SOX5: variants seen among roughly 807,000 people sequenced by gnomAD.
SOX5 encodes the protein transcription factor SOX-5.
Under a neutral mutation model 92.0 loss-of-function variants are expected in SOX5, and 9 were observed. That is an observed-to-expected ratio of 0.10 (90% CI 0.06 to 0.17). The LOEUF (loss-of-function observed/expected upper bound fraction) is 0.17, where lower values mean the gene tolerates loss of function less well. Ranked by LOEUF, SOX5 falls within the 10% of genes least tolerant of loss-of-function variation. The pLI, the probability that SOX5 is intolerant of heterozygous loss-of-function variation, is 1.00. For missense variants in SOX5, 642 were observed against 944.5 expected (o/e 0.68, Z 4.20); for synonymous variants, 344 against 336.3 (o/e 1.02, Z -0.25).
chr12:24,212,441 C>T (rs771465397), intron 4 of SOX5: 1 of 533,768 alleles, frequency 1.9e-6, no homozygotes, highest in Admixed American at 1.9e-5. Context: ...TACAGAAGAC[C>T]TGGATGTGTA....
intron 4 of SOX5, among the ~76,000 whole-genome samples, chr12:24,083,347 A>G (rs987614635): frequency 6.6e-6 from 1 of 152,054 alleles, no homozygotes; most frequent in Non-Finnish European, 1.5e-5. Flanking sequence ...AAGATTTAAA[A>G]CATGTACTGA....
intron 1 of SOX5, among the ~76,000 whole-genome samples, chr12:24,478,910 A>G (rs1271389002): frequency 6.6e-6 from 1 of 152,212 alleles, no homozygotes; most frequent in Non-Finnish European, 1.5e-5. Context: ...CCTCGCTGGG[A>G]AATCTTCAAC....
chr12:24,504,742 T>C (rs910195633), intron 1 of SOX5, among the ~76,000 whole-genome samples: 1 of 152,190 alleles, frequency 6.6e-6, no homozygotes, highest in South Asian at 2.1e-4. Flanking sequence ...TTCCTTTTTC[T>C]TTTTTCAACA....
chr12:23,728,812 C>T (rs1057449463), intron 6 of SOX5, among the ~76,000 whole-genome samples: 2 of 152,032 alleles, frequency 1.3e-5, no homozygotes, highest in African/African-American at 2.4e-5. Context: ...TGAACTGAGC[C>T]AAAACTCGGG....
intron 1 of SOX5, among the ~76,000 whole-genome samples, chr12:24,531,212 T>G (rs969603936): frequency 1.3e-5 from 2 of 152,016 alleles, no homozygotes; most frequent in African/African-American, 4.8e-5. Flanking sequence ...TGACCAACAT[T>G]AAGCAGGAAA....
intron 4 of SOX5, among the ~76,000 whole-genome samples, chr12:23,993,391 C>T (rs1950737330): frequency 6.6e-6 from 1 of 152,014 alleles, no homozygotes; most frequent in South Asian, 2.1e-4. Context: ...TCATCTAGTT[C>T]GAGAATACAC....
chr12:23,590,827 T>C (rs1951433537), intron 9 of SOX5, among the ~76,000 whole-genome samples: 1 of 152,044 alleles, frequency 6.6e-6, no homozygotes, highest in Non-Finnish European at 1.5e-5. Flanking sequence ...AAAATTTATA[T>C]AAACAACGTA....
chr12:24,170,367 T>C (rs546751776), intron 4 of SOX5, among the ~76,000 whole-genome samples: 2 of 152,266 alleles, frequency 1.3e-5, no homozygotes, highest in South Asian at 4.1e-4. Flanking sequence ...CCAGGCGCCA[T>C]GCTTGTGAAC....
At chr12:23,948,082 CTATGA>C (rs1378898195) in intron 1 of SOX5, among the ~76,000 whole-genome samples, 1 of 151,958 alleles carries the variant, frequency 6.6e-6, no homozygotes, top group South Asian at 2.1e-4. Context: ...CAACATCTAC[CTATGA>C]TATAAGGCTA....
At chr12:24,360,036 G>A (rs1955360959) in intron 2 of SOX5, among the ~76,000 whole-genome samples, 1 of 152,212 alleles carries the variant, frequency 6.6e-6, no homozygotes, top group South Asian at 2.1e-4. Context: ...AGGGAAGGGA[G>A]AAGCTGAATA....
intron 3 of SOX5, chr12:24,227,568 A>G (rs1184003951): frequency 6.6e-6 from 1 of 152,208 alleles, no homozygotes; most frequent in East Asian, 1.9e-4. Context: ...CACTTGTATC[A>G]TTTATAATAC....
At chr12:24,157,927 C>T (rs560782728) in intron 4 of SOX5, among the ~76,000 whole-genome samples, 1 of 152,092 alleles carries the variant, frequency 6.6e-6, no homozygotes, top group Middle Eastern at 3.4e-3. Context: ...CATGAATGTT[C>T]CAAAATAAGG....
chr12:23,641,740 TAAGTA>T (rs1359082411), intron 7 of SOX5, among the ~76,000 whole-genome samples: 11 of 152,194 alleles, frequency 7.2e-5, no homozygotes, highest in African/African-American at 2.7e-4. Context: ...CTAAGAAATA[TAAGTA>T]ATGTACATTA....
intron 7 of SOX5, among the ~76,000 whole-genome samples, chr12:23,658,946 A>G (rs2082675440): frequency 6.6e-6 from 1 of 152,152 alleles, no homozygotes; most frequent in Non-Finnish European, 1.5e-5. Flanking sequence ...TAAAGACATG[A>G]TTATATCCTC....
intron 4 of SOX5, among the ~76,000 whole-genome samples, chr12:23,964,871 C>T (rs1392539288): frequency 6.6e-6 from 1 of 152,150 alleles, no homozygotes. Flanking sequence ...AATGAGCCTT[C>T]GACAGATGAC....
At chr12:24,169,620 T>C (rs187088519) in intron 4 of SOX5, among the ~76,000 whole-genome samples, 3 of 152,328 alleles carry the variant, frequency 2.0e-5, no homozygotes, top group Admixed American at 2.0e-4. Flanking sequence ...TTTACATGTG[T>C]TGTCCAGCAC....
At chr12:24,160,760 AC>A (rs960034099) in intron 4 of SOX5, among the ~76,000 whole-genome samples, 1 of 152,030 alleles carries the variant, frequency 6.6e-6, no homozygotes, top group African/African-American at 2.4e-5. Context: ...CCACACATCA[AC>A]CTGCATGAGA....
At chr12:23,858,794 G>A (rs1202933557) in intron 2 of SOX5, among the ~76,000 whole-genome samples, 1 of 152,196 alleles carries the variant, frequency 6.6e-6, no homozygotes, top group African/African-American at 2.4e-5. Flanking sequence ...ACCCTGAACG[G>A]AGGGACCAGC....
intron 6 of SOX5, among the ~76,000 whole-genome samples, chr12:23,692,814 G>C (rs2089119249): frequency 6.6e-6 from 1 of 152,052 alleles, no homozygotes; most frequent in South Asian, 2.1e-4. Flanking sequence ...ATCTCTCTGA[G>C]GTTCTCTCAA....
Sources: allele counts gnomAD v4.1 joint callset (sites outside exome capture counted in the v4.1 genomes callset), GRCh38; gene constraint gnomAD v4.1.1; transcripts MANE v1.5; gene names NCBI Gene and HGNC (gene_info 2026-07-23, HGNC 2026-07-21).